PCDHGA11: variants seen among roughly 807,000 people sequenced by gnomAD.
PCDHGA11 encodes protocadherin gamma-A11.
In PCDHGA11, 39 loss-of-function variants were observed where a neutral mutation model predicts 60.4. The observed-to-expected ratio is 0.65, with a 90% CI of 0.50 to 0.84. The LOEUF (loss-of-function observed/expected upper bound fraction) is 0.84, where lower values mean the gene tolerates loss of function less well. Among genes scored for constraint, PCDHGA11 ranks in the 40% least tolerant of loss-of-function variants. The probability of loss-of-function intolerance (pLI) is 0.00; values close to 1 mark genes in which losing one functional copy is unlikely to be tolerated. For missense variants in PCDHGA11, 1,165 were observed against 1,197.7 expected, an observed-to-expected ratio of 0.97 and a Z score of 0.40; for synonymous variants, 533 against 510.3, an observed-to-expected ratio of 1.04 and a Z score of -0.60.
intron 2 of PCDHGA11, among the ~76,000 whole-genome samples, chr5:141,499,297 T>A (rs1449576891): frequency 1.3e-5 from 2 of 152,036 alleles, no homozygotes; most frequent in Non-Finnish European, 2.9e-5. Flanking sequence ...CACACTACCA[T>A]CCCTCCTCTG....
chr5:141,422,957 A>C lies in PCDHGA11; in HGVS notation c.1730A>C (p.Glu577Ala). 1 of 1,614,190 alleles carries C rather than the reference A, an allele frequency of 6.2e-7. No homozygotes were observed. Residue 577 changes from glutamate (E) to alanine (A), a missense_variant, in exon 1 of 4, where the codon GAG (glutamate) becomes GCG (alanine). Physicochemically the swap from Glu to Ala is moderately radical, Grantham distance 107. Transcript: ENST00000398587. The part of the protein sequence containing the change: ...ALPTDGSTGV[E>A]LAPRSAEPGY... ...CCCACAGACGGCTCCACTGGCGTGG[A>C]GCTGGCGCCCCGCTCTGCGGAACCT...
chr5:141,495,430 C>T (rs1189953474), intron 2 of PCDHGA11, among the ~76,000 whole-genome samples: 3 of 152,220 alleles, frequency 2.0e-5, no homozygotes, highest in Admixed American at 2.0e-4. Context: ...TCCCACTGTC[C>T]TCTGCCCCTA....
At chr5:141,443,977 AT>A (rs1443967001) in intron 1 of PCDHGA11, among the ~76,000 whole-genome samples, 1 of 152,020 alleles carries the variant, frequency 6.6e-6, no homozygotes, top group African/African-American at 2.4e-5. Context: ...CATCTAAGCT[AT>A]GTTAATTTTA....
chr5:141,435,979 C>T (rs1036607924), intron 1 of PCDHGA11, among the ~76,000 whole-genome samples: 4 of 152,008 alleles, frequency 2.6e-5, no homozygotes, highest in Non-Finnish European at 5.9e-5. Flanking sequence ...TGTGGTTCTA[C>T]TTGTGTGATT....
chr5:141,422,330 C>A lies in PCDHGA11; in HGVS notation c.1103C>A (p.Ala368Asp). ...LENSPPGTVI[A>D]LLNVQDQDSG... ...AACTCTCCTCCAGGTACAGTGATTG[C>A]TCTTCTAAATGTGCAAGATCAAGAT... is the stretch of plus-strand genomic sequence containing the variant. The change falls in exon 1 of 4, where the codon GCT (alanine) becomes GAT (aspartate). Residue 368 changes from alanine to aspartate, a missense_variant. Transcript: ENST00000398587. 6.5e-7 allele frequency: 1 copy of A among 1,548,166 alleles called. No individual in the cohort carries two copies.
Position 141,486,487 on chromosome 5 carries a change from C to G in PCDHGA11, c.2434-8320C>G. The G allele has an allele frequency of 6.2e-7, 1 of 1,614,086 alleles. No homozygotes were observed. The highest frequency in any genetic ancestry group is 1.1e-5 in the South Asian group (1 of 91,074). ...CTGGGAACCCTCCTCTCAGTACCCA[C>G]AGAACTATTTTCCTCAATATTTCAG... On this transcript the variant is annotated intron_variant, in intron 1 of 3. Coordinates refer to ENST00000398587, the MANE Select transcript of PCDHGA11 (RefSeq NM_018914.3). This position sits in a 1 kb window ranked among gnomAD's most constrained non-coding sequence, Gnocchi z 5.0.
intron 1 of PCDHGA11, among the ~76,000 whole-genome samples, chr5:141,460,285 T>C (rs1283830175): frequency 1.3e-5 from 2 of 152,154 alleles, no homozygotes; most frequent in Admixed American, 6.5e-5. Context: ...ATAGTTTGTA[T>C]TTCTTATGTC....
chr5:141,428,116 A>G, intron 1 of PCDHGA11: 1 of 1,607,216 alleles, frequency 6.2e-7, no homozygotes, highest in Non-Finnish European at 8.5e-7. Flanking sequence ...CAGGCCATCG[A>G]GCCCGGGCTT....
chr5:141,483,573 G>A (rs2099583012), intron 1 of PCDHGA11, among the ~76,000 whole-genome samples: 1 of 152,072 alleles, frequency 6.6e-6, no homozygotes, highest in Non-Finnish European at 1.5e-5. Context: ...GTGAATTCTG[G>A]CATAAACACC....
chr5:141,483,779 A>G (rs1259583177), intron 1 of PCDHGA11, among the ~76,000 whole-genome samples: 2 of 152,146 alleles, frequency 1.3e-5, no homozygotes, highest in Non-Finnish European at 2.9e-5. Context: ...TTGGGGAAGG[A>G]TAAGAACTCC....
At chr5:141,433,208 CTT>C (rs745329085) in intron 1 of PCDHGA11, 289 of 1,287,502 alleles carry the variant, frequency 2.2e-4, no homozygotes, top group South Asian at 2.8e-4. Context: ...AATCTTCTTT[CTT>C]TTTTTTTTTT....
In PCDHGA11 at chr5:141,448,136, A is replaced by G. The variant is rs2098567363; in HGVS notation, c.2433+24476A>G. Among the ~76,000 whole-genome samples, 5 of 152,036 alleles carry G rather than the reference A, an allele frequency of 3.3e-5. No individual in the cohort carries two copies. The South Asian group carries it at 1.0e-3, about 32-fold the overall frequency. On this transcript the variant is annotated intron_variant, in intron 1 of 3. Transcript: ENST00000398587. ...AAAATTAGCCTCCCCCACCCTCACT[A>G]TACCTCAGACTCACCCCTGAAAGAT...
In PCDHGA11 at chr5:141,487,046, G is replaced by A; in HGVS notation, c.2434-7761G>A. ...CAGCCTGTTTGCAGTCTCTCGATATGCTGGGGAGGTGCGGACGGCTGTTCC... is the reference window on the plus strand; with the variant it reads ...CAGCCTGTTTGCAGTCTCTCGATATACTGGGGAGGTGCGGACGGCTGTTCC... On this transcript the variant is annotated intron_variant, in intron 1 of 3. Coordinates refer to ENST00000398587, the MANE Select transcript of PCDHGA11 (RefSeq NM_018914.3). The surrounding 1 kb of genome is among the most constrained non-coding windows in gnomAD (Gnocchi z 5.0). 6.2e-7 allele frequency: 1 copy of A among 1,614,192 alleles called. No individual in the cohort carries two copies. Among genetic ancestry groups the A allele is most frequent in the Non-Finnish European group, 8.5e-7 (1 of 1,180,040 alleles).
intron 3 of PCDHGA11, among the ~76,000 whole-genome samples, chr5:141,508,533 C>A (rs1396219805): frequency 6.6e-6 from 1 of 152,160 alleles, no homozygotes; most frequent in Non-Finnish European, 1.5e-5. Flanking sequence ...CAGGGCACCC[C>A]CCACGAGGTG....
chr5:141,451,233 T>A (rs1431967203), intron 1 of PCDHGA11, among the ~76,000 whole-genome samples: 1 of 152,216 alleles, frequency 6.6e-6, no homozygotes, highest in African/African-American at 2.4e-5. Flanking sequence ...GCATTTATTA[T>A]CTCATAAATT....
Position 141,431,605 on chromosome 5 carries a change from G to A in PCDHGA11, c.2433+7945G>A. ...ATGCGGAAGTGAGGTATTCCTTCCGGTATGTGGACGACAAGGCGGCCCAAG... is the reference window on the plus strand; with the variant it reads ...ATGCGGAAGTGAGGTATTCCTTCCGATATGTGGACGACAAGGCGGCCCAAG... On this transcript the variant is annotated intron_variant, in intron 1 of 3. Transcript: ENST00000398587. This position sits in a 1 kb window ranked among gnomAD's most constrained non-coding sequence, Gnocchi z 4.8. 2 of 1,614,236 alleles carry A rather than the reference G, an allele frequency of 1.2e-6. No individual in the cohort carries two copies. The highest frequency in any genetic ancestry group is 1.7e-6 in the Non-Finnish European group (2 of 1,180,044).
chr5:141,489,101 T>A lies in PCDHGA11; in HGVS notation c.2434-5706T>A. 2 of 398,380 alleles carry A rather than the reference T, an allele frequency of 5.0e-6. No individual in the cohort carries two copies. Among genetic ancestry groups the A allele is most frequent in the Non-Finnish European group, 9.0e-6 (2 of 223,310 alleles). The allele number at this position is 398,380 out of a possible 1,614,324, so 24.7% of individuals were successfully genotyped here. ...CCGCCACTCGGTGACTAAGAACTGC[T>A]GCAAGCAGGCAAACCTCCGAGCAGT... On this transcript the variant is annotated intron_variant, in intron 1 of 3. Coordinates refer to ENST00000398587, the MANE Select transcript of PCDHGA11 (RefSeq NM_018914.3). This position sits in a 1 kb window ranked among gnomAD's most constrained non-coding sequence, Gnocchi z 4.5.
chr5:141,450,675 CG>C (rs2098689980), intron 1 of PCDHGA11, among the ~76,000 whole-genome samples: 1 of 151,614 alleles, frequency 6.6e-6, no homozygotes, highest in Non-Finnish European at 1.5e-5. Flanking sequence ...TTAGTAGAAA[CG>C]GGGTTTTGCC....
In PCDHGA11 at chr5:141,500,938, G is replaced by A. The variant is rs1317178701; in HGVS notation, c.2493-4455G>A. On this transcript the variant is annotated intron_variant, in intron 2 of 3. Transcript: ENST00000398587. Reference sequence around the variant, plus strand: ...GGCTGGGGTGCAGTGGCGCCATCTCGGCTCACTGCAAGCTCCACCTCCTGG... The same window carrying A: ...GGCTGGGGTGCAGTGGCGCCATCTCAGCTCACTGCAAGCTCCACCTCCTGG... 2.6e-5 allele frequency among the ~76,000 whole-genome samples: 4 copies of A among 151,060 alleles called. No homozygotes were observed. The East Asian group carries it at 5.8e-4, about 22-fold the overall frequency.
Sources: allele counts gnomAD v4.1 joint callset (sites outside exome capture counted in the v4.1 genomes callset), GRCh38; gene constraint gnomAD v4.1.1; non-coding constraint Gnocchi (gnomAD v3.1); transcripts MANE v1.5; gene names NCBI Gene and HGNC (gene_info 2026-07-23, HGNC 2026-07-21).